GLB1: variants seen among roughly 807,000 people sequenced by gnomAD.
GLB1 encodes the protein beta-galactosidase.
A neutral mutation model predicts 74.0 loss-of-function variants in GLB1; 56 were observed. The ratio of observed to expected loss-of-function variants is 0.76; its 90% CI spans 0.61 to 0.94. GLB1 has a LOEUF of 0.94. Among genes scored for constraint, GLB1 ranks in the 40% least tolerant of loss-of-function variants. GLB1 has a pLI of 0.00. For synonymous variants in GLB1, 323 were observed against 323.6 expected (o/e 1.00, Z 0.02); for missense variants, 787 against 845.5 (o/e 0.93, Z 0.86).
At chr3:33,045,245 CTT>C (rs35949170) in intron 10 of GLB1, 415 of 565,840 alleles carry the variant, frequency 7.3e-4, no homozygotes, top group Non-Finnish European at 8.3e-4. Flanking sequence ...TAGACTCACT[CTT>C]TTTTTTTTTT....
At chr3:32,975,904 G>A in the GLB1 span, among the ~76,000 whole-genome samples, 309 of 152,322 alleles carry the variant, frequency 2.0e-3, 1 homozygote, top group African/African-American at 7.0e-3. Context: ...GGTGGCTCCT[G>A]CCCAATAGTG....
At chr3:32,961,807 A>C in the GLB1 span, among the ~76,000 whole-genome samples, 1 of 152,350 alleles carries the variant, frequency 6.6e-6, no homozygotes, top group African/African-American at 2.4e-5. Flanking sequence ...CTCCAGAGGC[A>C]TTCCAGCTAG....
At chr3:32,988,354 C>G in the GLB1 span, among the ~76,000 whole-genome samples, 1 of 152,016 alleles carries the variant, frequency 6.6e-6, no homozygotes, top group Admixed American at 6.6e-5. Flanking sequence ...GAGTTGGGAC[C>G]AACGTGTTGT....
the GLB1 span, among the ~76,000 whole-genome samples, chr3:32,961,375 C>T: frequency 1.4e-4 from 21 of 152,252 alleles, no homozygotes; most frequent in East Asian, 1.4e-3. Flanking sequence ...CAGGGACAGA[C>T]GTCAGCAACA....
chr3:32,995,735 T>C (rs1696295989), downstream of GLB1, among the ~76,000 whole-genome samples: 1 of 151,416 alleles, frequency 6.6e-6, no homozygotes, highest in South Asian at 2.1e-4. Flanking sequence ...ATCCCAGAAC[T>C]TTGGGAGGTC....
At chr3:33,033,745 C>A (rs928623507) in intron 10 of GLB1, 3 of 268,516 alleles carry the variant, frequency 1.1e-5, no homozygotes, top group African/African-American at 2.4e-5. Context: ...CGTGCCACTG[C>A]ACTCCAGCCT....
intron 9 of GLB1, among the ~76,000 whole-genome samples, chr3:33,047,175 T>C (rs577937778): frequency 6.6e-6 from 1 of 152,320 alleles, no homozygotes; most frequent in Admixed American, 6.5e-5. Flanking sequence ...CCCTGGGAAC[T>C]TGACCTACAA....
At chr3:33,087,388 G>T (rs565613146) in intron 1 of GLB1, among the ~76,000 whole-genome samples, 1 of 152,088 alleles carries the variant, frequency 6.6e-6, no homozygotes, top group Non-Finnish European at 1.5e-5. Context: ...TGGCCAACAT[G>T]GTGAAACCCC....
At chr3:33,089,927 T>C (rs192899605) in intron 1 of GLB1, among the ~76,000 whole-genome samples, 1 of 152,318 alleles carries the variant, frequency 6.6e-6, no homozygotes, top group Admixed American at 6.5e-5. Context: ...ATGGTTAAGA[T>C]AGTAATTTTT....
intron 10 of GLB1, among the ~76,000 whole-genome samples, chr3:33,041,661 C>CAAAAA (rs58227885): frequency 1.0e-5 from 1 of 99,328 alleles, no homozygotes; most frequent in Non-Finnish European, 2.1e-5. Context: ...ACCCTGTCTT[C>CAAAAA]AAAAAAAAAA....
chr3:33,035,609 C>T (rs1445203112), intron 10 of GLB1, among the ~76,000 whole-genome samples: 1 of 152,022 alleles, frequency 6.6e-6, no homozygotes, highest in Non-Finnish European at 1.5e-5. Flanking sequence ...CTCTTTAGCC[C>T]CCTTTTTGTA....
rs888088681 is a variant in GLB1 at position 33,065,612 on chromosome 3, C to T, written c.458-55G>A. ...TTGTCCAACCCCAGCCTGTAAGCCACATGCAGCCCAGGATGGCTTTGAATG... is the reference window on the plus strand; with the variant it reads ...TTGTCCAACCCCAGCCTGTAAGCCATATGCAGCCCAGGATGGCTTTGAATG... On this transcript the variant is annotated intron_variant, in intron 4 of 15. Coordinates refer to ENST00000307363, the MANE Select transcript of GLB1 (RefSeq NM_000404.4). 3.2e-6 allele frequency: 5 copies of T among 1,542,594 alleles called. No homozygotes were observed. In the African/African-American group the frequency reaches 5.5e-5, roughly 17 times the overall value.
intron 10 of GLB1, among the ~76,000 whole-genome samples, chr3:33,042,275 C>T (rs183705425): frequency 2.6e-4 from 40 of 152,010 alleles, no homozygotes; most frequent in Middle Eastern, 3.4e-3. Flanking sequence ...CAATGGATTC[C>T]CATTACATTC....
chr3:33,054,343 T>A (rs9819337), intron 6 of GLB1, among the ~76,000 whole-genome samples: 1 of 152,094 alleles, frequency 6.6e-6, no homozygotes, highest in African/African-American at 2.4e-5. Context: ...TTGGACCCAT[T>A]TGAAGATGTG....
intron 15 of GLB1, among the ~76,000 whole-genome samples, chr3:33,008,173 A>G (rs1696860515): frequency 6.6e-6 from 1 of 152,164 alleles, no homozygotes; most frequent in Non-Finnish European, 1.5e-5. Context: ...TCTCTACTGC[A>G]TTAGGAGGGG....
At chr3:32,977,101 T>G in the GLB1 span, among the ~76,000 whole-genome samples, 5 of 152,130 alleles carry the variant, frequency 3.3e-5, no homozygotes, top group Admixed American at 2.6e-4. Context: ...CTGAATGGAT[T>G]CAGTGGAGGC....
intron 1 of GLB1, chr3:33,094,269 C>A: frequency 6.6e-7 from 1 of 1,521,428 alleles, no homozygotes. Context: ...TTAGAAAGGA[C>A]AGTGGCCAAG....
At chr3:33,044,195 C>T (rs1225147797) in intron 10 of GLB1, among the ~76,000 whole-genome samples, 1 of 152,104 alleles carries the variant, frequency 6.6e-6, no homozygotes, top group Non-Finnish European at 1.5e-5. Flanking sequence ...TAAGACTAGG[C>T]TCAGCAGCTT....
At chr3:33,056,001 G>A (rs1445521010) in intron 6 of GLB1, among the ~76,000 whole-genome samples, 1 of 151,662 alleles carries the variant, frequency 6.6e-6, no homozygotes, top group Admixed American at 6.6e-5. Context: ...GCCGAGGCAG[G>A]CAGATCATGT....
Sources: gnomAD v4.1 joint callset for allele counts (sites outside exome capture counted in the v4.1 genomes callset) on GRCh38, gnomAD v4.1.1 for gene constraint, MANE v1.5 for transcripts, NCBI Gene and HGNC (gene_info 2026-07-23, HGNC 2026-07-21) for gene names.